Variants in CEP135 observed in about 807,000 individuals in gnomAD.
CEP135 encodes the protein centrosomal protein of 135 kDa.
In CEP135, 142 loss-of-function variants were observed where a neutral mutation model predicts 157.3. The observed-to-expected ratio is 0.90, with a 90% CI of 0.79 to 1.04. The LOEUF (loss-of-function observed/expected upper bound fraction) is 1.04. Among genes scored for constraint, CEP135 ranks in the 50% least tolerant of loss-of-function variants. The pLI, the probability that CEP135 is intolerant of heterozygous loss-of-function variation, is 0.00. For missense variants in CEP135, 1,317 were observed against 1,309.2 expected, an observed-to-expected ratio of 1.01 and a Z score of -0.09; for synonymous variants, 396 against 439.8, an observed-to-expected ratio of 0.90 and a Z score of 1.25.
At chr4:55,981,870 T>A (rs2109685704) in intron 13 of CEP135, among the ~76,000 whole-genome samples, 1 of 152,186 alleles carries the variant, frequency 6.6e-6, no homozygotes, top group East Asian at 1.9e-4. Flanking sequence ...TCGGAAAAAA[T>A]GCATTTAATA....
intron 24 of CEP135, among the ~76,000 whole-genome samples, chr4:56,021,670 A>G (rs993012357): frequency 4.6e-5 from 7 of 152,220 alleles, no homozygotes. Context: ...ATTTACGTCA[A>G]AACTTTGTAG....
At chr4:56,015,411 G>A (rs1365223006) in intron 21 of CEP135, among the ~76,000 whole-genome samples, 1 of 152,194 alleles carries the variant, frequency 6.6e-6, no homozygotes. Flanking sequence ...ACCACCACAA[G>A]CCCAGACATC....
Position 56,014,246 on chromosome 4 carries a change from A to G in CEP135, c.2802+2261A>G, listed in dbSNP as rs144132753. Among the ~76,000 whole-genome samples, 418 of 152,346 alleles carry G rather than the reference A, an allele frequency of 2.7e-3. 5 individuals are homozygous for G. Among genetic ancestry groups the G allele is most frequent in the Middle Eastern group, 0.014 (4 of 294 alleles). ...TAGCACCAGAAAGTGGGTTGCTGCT[A>G]CAACAAACACCTGAAAATATGAAAG... On this transcript the variant is annotated intron_variant, in intron 21 of 25. Coordinates refer to ENST00000257287, the MANE Select transcript of CEP135 (RefSeq NM_025009.5).
intron 7 of CEP135, 107 bp from the exon 8 acceptor site, chr4:55,965,537 A>G: frequency 4.1e-6 from 3 of 737,086 alleles, no homozygotes; most frequent in Non-Finnish European, 4.3e-6. Flanking sequence ...TGTAGTTTTA[A>G]TCTTCAATAA....
At chr4:55,998,313 T>C (rs139056674) in intron 15 of CEP135, among the ~76,000 whole-genome samples, 2 of 152,292 alleles carry the variant, frequency 1.3e-5, no homozygotes, top group South Asian at 2.1e-4. Flanking sequence ...AAAAGTGTTC[T>C]GAAGACTCTG....
chr4:56,020,753 G>A lies in CEP135; in HGVS notation c.3293G>A (p.Arg1098Lys). Residue 1098 changes from arginine (R) to lysine (K), a missense_variant, in exon 24 of 26, where the codon AGG becomes AAG. By Grantham distance (26) the Arg-to-Lys change is conservative. Coordinates refer to ENST00000257287, the MANE Select transcript of CEP135 (RefSeq NM_025009.5). ...QLQTDYDALK[R>K]QISTERYERE... is the part of the protein sequence containing the mutation. Reference sequence around the variant, plus strand: ...CAAACAGATTATGATGCTCTGAAAAGGCAGATCTCAACTGAAAGATACGAA... The same window carrying A: ...CAAACAGATTATGATGCTCTGAAAAAGCAGATCTCAACTGAAAGATACGAA... The A allele has an allele frequency of 1.2e-6, 2 of 1,613,286 alleles. No homozygotes were observed. The highest frequency in any genetic ancestry group is 1.7e-6 in the Non-Finnish European group (2 of 1,179,646).
At chr4:55,973,100 G>A (rs1729081832) in intron 10 of CEP135, among the ~76,000 whole-genome samples, 2 of 152,088 alleles carry the variant, frequency 1.3e-5, no homozygotes, top group African/African-American at 4.8e-5. Flanking sequence ...TCTTTCAACT[G>A]TCTCAAACTC....
chr4:55,974,956 G>C lies in CEP135; in HGVS notation c.1460G>C (p.Arg487Thr). 6.3e-7 allele frequency: 1 copy of C among 1,599,510 alleles called. No individual in the cohort carries two copies. The highest frequency in any genetic ancestry group is 8.5e-7 in the Non-Finnish European group (1 of 1,171,738). Residue 487 changes from arginine to threonine, a missense_variant, in exon 11 of 26, where the codon AGA becomes ACA. Coordinates refer to ENST00000257287, the MANE Select transcript of CEP135 (RefSeq NM_025009.5). The part of the protein sequence containing the change: ...YSAREKSSIF[R>T]TPEKGDYNSE... ...GCACGTGAAAAAAGTTCAATATTTA[G>C]AACACCAGAAAAGGTAATGTCCCTT...
chr4:56,021,793 G>A (rs1302372949), intron 24 of CEP135, among the ~76,000 whole-genome samples: 1 of 152,214 alleles, frequency 6.6e-6, no homozygotes. Flanking sequence ...GGGAGGCCAA[G>A]GCAGGTGGAT....
At chr4:55,976,429 TA>T (rs1044264010) in intron 11 of CEP135, among the ~76,000 whole-genome samples, 6 of 152,184 alleles carry the variant, frequency 3.9e-5, no homozygotes, top group African/African-American at 1.4e-4. Context: ...TTGATCAGTT[TA>T]ATTAAGTTTC....
intron 11 of CEP135, among the ~76,000 whole-genome samples, chr4:55,975,433 T>C (rs1433152211): frequency 2.6e-5 from 4 of 152,202 alleles, no homozygotes; most frequent in Non-Finnish European, 4.4e-5. Flanking sequence ...CTATGGGAGA[T>C]AGATAGAAAT....
chr4:56,012,033 A>G, intron 21 of CEP135, 48 bp downstream of exon 21: 1 of 1,081,570 alleles, frequency 9.2e-7, no homozygotes, highest in Non-Finnish European at 1.3e-6. Flanking sequence ...TGAAACAGAA[A>G]ACATTCAAAG....
chr4:56,016,398 CTAAT>C (rs1388288295), intron 21 of CEP135, among the ~76,000 whole-genome samples: 3 of 152,226 alleles, frequency 2.0e-5, no homozygotes, highest in South Asian at 2.1e-4. Context: ...GGTATAATAA[CTAAT>C]TAAAGGAGTG....
In CEP135 at chr4:56,010,174, AAC is replaced by A. The variant is rs1491389855; in HGVS notation, c.2505+272_2505+273del. On this transcript the variant is annotated intron_variant, in intron 19 of 25. Coordinates refer to ENST00000257287, the MANE Select transcript of CEP135 (RefSeq NM_025009.5). ...AGACCAGCCTGGCCAACATTGTGAA[AAC>A]CCCCCCCCCACCCCCATCTCTACTA... Among the ~76,000 whole-genome samples, 447 of 64,186 alleles carry A rather than the reference AAC, an allele frequency of 7.0e-3. 3 individuals carry two copies. The highest frequency in any genetic ancestry group is 0.026 in the African/African-American group (346 of 13,548). 42.1% of individuals were successfully genotyped at this position (64,186 alleles called of 152,430 possible).
chr4:56,028,769 G>A (rs941422326), intron 25 of CEP135, among the ~76,000 whole-genome samples: 2 of 152,068 alleles, frequency 1.3e-5, no homozygotes, highest in East Asian at 1.9e-4. Context: ...GTGTTTTTCC[G>A]ATTCTCATAC....
chr4:56,013,871 TC>T (rs1730679009), intron 21 of CEP135, among the ~76,000 whole-genome samples: 1 of 152,222 alleles, frequency 6.6e-6, no homozygotes, highest in South Asian at 2.1e-4. Flanking sequence ...TAAAATGAGG[TC>T]ATAGCGGATT....
intron 18 of CEP135, among the ~76,000 whole-genome samples, chr4:56,009,408 C>T (rs775060202): frequency 2.1e-4 from 32 of 152,114 alleles, no homozygotes; most frequent in Non-Finnish European, 3.7e-4. Flanking sequence ...ATGATCTGCC[C>T]GCCTCGGCCT....
intron 8 of CEP135, chr4:55,966,170 A>C (rs1728838021): frequency 8.8e-6 from 2 of 227,980 alleles, no homozygotes; most frequent in Admixed American, 5.6e-5. Context: ...AGAGCTTTTA[A>C]AGTTTCCCCT....
chr4:55,961,020 C>T (rs1728662678), intron 6 of CEP135: 1 of 146,584 alleles, frequency 6.8e-6, no homozygotes, highest in Non-Finnish European at 1.5e-5. Flanking sequence ...GCAGGAGAAT[C>T]TCTTGAACCT....
Sources: gnomAD v4.1 joint callset for allele counts (sites outside exome capture counted in the v4.1 genomes callset) on GRCh38, gnomAD v4.1.1 for gene constraint, MANE v1.5 for transcripts, NCBI Gene and HGNC (gene_info 2026-07-23, HGNC 2026-07-21) for gene names.